CSDE1: variants seen among roughly 807,000 people sequenced by gnomAD.
CSDE1 encodes cold shock domain-containing protein E1.
In CSDE1, 17 loss-of-function variants were observed where a neutral mutation model predicts 89.3. The ratio of observed to expected loss-of-function variants is 0.19; its 90% confidence interval spans 0.13 to 0.29. The LOEUF (loss-of-function observed/expected upper bound fraction) is 0.29, where lower values mean the gene tolerates loss of function less well. Among genes scored for constraint, CSDE1 ranks in the 10% least tolerant of loss-of-function variants. CSDE1 has a pLI of 1.00. For synonymous variants in CSDE1, 322 were observed against 332.8 expected, an observed-to-expected ratio of 0.97 and a Z score of 0.35; for missense variants, 672 against 984.2, an observed-to-expected ratio of 0.68 and a Z score of 4.24.
chr1:114,739,577 A>G (rs913828574), intron 3 of CSDE1, 115 bp downstream of exon 3: 2 of 837,264 alleles, frequency 2.4e-6, no homozygotes, highest in Non-Finnish European at 3.9e-6. Context: ...CAGTACAACT[A>G]AAAGTCCAAA....
Position 114,717,754 on chromosome 1 carries a change from T to TGCTAA in CSDE1, c.*410_*414dup, listed in dbSNP as rs1659267292. On this transcript the variant is annotated 3_prime_UTR_variant, in exon 20 of 20. Coordinates refer to ENST00000358528, the MANE Select transcript of CSDE1 (RefSeq NM_001007553.3). Reference sequence around the variant, plus strand: ...GAAAAAGGAAAAGAATGCAACTGAGTGCTAAGGCAGAACATCTTGCCAGAA... The same window carrying TGCTAA: ...GAAAAAGGAAAAGAATGCAACTGAGTGCTAAGCTAAGGCAGAACATCTTGCCAGAA... The TGCTAA allele has an allele frequency of 5.9e-6, 1 of 169,306 alleles. No individual in the cohort carries two copies. The highest frequency in any genetic ancestry group is 6.1e-5 in the Admixed American group (1 of 16,294). The allele number at this position is 169,306 out of a possible 1,614,324, so 10.5% of individuals were successfully genotyped here.
chr1:114,742,744 T>C (rs77214692), intron 2 of CSDE1, among the ~76,000 whole-genome samples: 2,195 of 152,314 alleles, frequency 0.014, 41 homozygotes, highest in African/African-American at 0.05. Context: ...TAACGAGATA[T>C]GGTAAGTATG....
intron 12 of CSDE1, among the ~76,000 whole-genome samples, chr1:114,727,417 G>A (rs1659854111): frequency 6.6e-6 from 1 of 152,116 alleles, no homozygotes; most frequent in Non-Finnish European, 1.5e-5. Context: ...TACTTCCAAG[G>A]AAGTGGAAAT....
chr1:114,721,949 T>C (rs1162071805), intron 16 of CSDE1, among the ~76,000 whole-genome samples: 2 of 151,468 alleles, frequency 1.3e-5, no homozygotes, highest in African/African-American at 2.4e-5. Flanking sequence ...GTGGCATGAT[T>C]CAGCTCACTG....
In CSDE1 at chr1:114,717,164, G is replaced by A. The variant is rs1355127225; in HGVS notation, c.*1005C>T. 1 of 152,540 alleles carries A rather than the reference G, an allele frequency of 6.6e-6. No individual in the cohort carries two copies. Among genetic ancestry groups the A allele is most frequent in the Non-Finnish European group, 1.5e-5 (1 of 68,056 alleles). The allele number at this position is 152,540 out of a possible 1,614,324, so 9.4% of individuals were successfully genotyped here. A position where few individuals can be genotyped will look rare whatever the true frequency, so the allele number is the denominator to read the frequency against. On this transcript the variant is annotated 3_prime_UTR_variant, in exon 20 of 20. Transcript: ENST00000358528. ...CCTGTATATGGCCAATTCAAGAAGA[G>A]GGCCAAGAAATCAGACCCATCCATT...
chr1:114,723,185 C>T lies in CSDE1; in HGVS notation c.1873+698G>A, dbSNP rs372952476. 5.3e-5 allele frequency among the ~76,000 whole-genome samples: 8 copies of T among 152,256 alleles called. No individual in the cohort carries two copies. In the South Asian group the frequency reaches 6.2e-4, roughly 12 times the overall value. On this transcript the variant is annotated intron_variant, in intron 16 of 19. Coordinates refer to ENST00000358528, the MANE Select transcript of CSDE1 (RefSeq NM_001007553.3). ...CAAGCCATCATCTTTGGTTGGAATACTCAAGCCCTCTCATCTACTCCACAT... is the reference window on the plus strand; with the variant it reads ...CAAGCCATCATCTTTGGTTGGAATATTCAAGCCCTCTCATCTACTCCACAT...
intron 2 of CSDE1, chr1:114,741,383 T>C: frequency 1.4e-6 from 1 of 692,398 alleles, no homozygotes. Context: ...ACTGAAGTTA[T>C]CTTTCAAGAG....
chr1:114,721,045 A>T (rs1489957052), intron 16 of CSDE1, among the ~76,000 whole-genome samples: 1 of 152,230 alleles, frequency 6.6e-6, no homozygotes, highest in Non-Finnish European at 1.5e-5. Flanking sequence ...CAATATTCAC[A>T]GGACTATCTT....
At chr1:114,723,766 C>G (rs927447132) in intron 16 of CSDE1, 117 bp downstream of exon 16, 1 of 1,429,718 alleles carries the variant, frequency 7.0e-7, no homozygotes, top group Non-Finnish European at 9.7e-7. Context: ...GGTCACTTTT[C>G]CTTAATTCAG....
intron 2 of CSDE1, chr1:114,746,482 G>T (rs938810339): frequency 2.0e-5 from 3 of 151,796 alleles, no homozygotes; most frequent in African/African-American, 7.3e-5. Context: ...TTCCAATTTG[G>T]TGACTAATTT....
chr1:114,722,496 G>C (rs974237192), intron 16 of CSDE1, among the ~76,000 whole-genome samples: 1 of 152,218 alleles, frequency 6.6e-6, no homozygotes, highest in African/African-American at 2.4e-5. Context: ...TTGTGTTCCT[G>C]AATAAAAGAG....
chr1:114,733,282 C>G (rs1660202773), intron 9 of CSDE1, among the ~76,000 whole-genome samples: 1 of 152,078 alleles, frequency 6.6e-6, no homozygotes, highest in Non-Finnish European at 1.5e-5. Flanking sequence ...AATCCCAGCA[C>G]TTTGGGAGGC....
chr1:114,730,897 C>T (rs1340236415), intron 10 of CSDE1, among the ~76,000 whole-genome samples: 2 of 152,190 alleles, frequency 1.3e-5, no homozygotes, highest in African/African-American at 2.4e-5. Flanking sequence ...AAAATTACCA[C>T]ATGTGAACGT....
intron 19 of CSDE1, 23 bp from the exon 20 acceptor site, chr1:114,718,239 AC>A: frequency 1.9e-6 from 3 of 1,606,332 alleles, no homozygotes; most frequent in Non-Finnish European, 2.5e-6. Context: ...GAAAAAAAAA[AC>A]CCTGCAGTTA....
intron 2 of CSDE1, 176 bp from the exon 3 acceptor site, chr1:114,740,066 G>A: frequency 1.9e-6 from 1 of 531,712 alleles, no homozygotes; most frequent in Non-Finnish European, 3.3e-6. Flanking sequence ...CATTTCAGAG[G>A]AAACAACTTA....
chr1:114,745,266 T>A (rs1479823926), intron 2 of CSDE1, among the ~76,000 whole-genome samples: 1 of 152,226 alleles, frequency 6.6e-6, no homozygotes, highest in Non-Finnish European at 1.5e-5. Flanking sequence ...AAAAAAGCTT[T>A]ATACACAAGT....
chr1:114,718,890 C>T, intron 18 of CSDE1, 145 bp from the exon 19 acceptor site: 1 of 811,034 alleles, frequency 1.2e-6, no homozygotes, highest in Middle Eastern at 2.9e-4. Context: ...GCTAGAAAGA[C>T]AGGACAGACA....
intron 2 of CSDE1, chr1:114,741,801 A>C: frequency 1.5e-6 from 1 of 661,550 alleles, no homozygotes; most frequent in Non-Finnish European, 2.3e-6. Context: ...CAGGAAATAC[A>C]TAGAATTAAC....
chr1:114,739,070 C>T (rs1041081137), intron 3 of CSDE1, among the ~76,000 whole-genome samples: 4 of 150,974 alleles, frequency 2.6e-5, no homozygotes, highest in Non-Finnish European at 4.4e-5. Flanking sequence ...CTCGCTCTGT[C>T]GCCCAGGCTG....
Sources: gnomAD v4.1 joint callset for allele counts (sites outside exome capture counted in the v4.1 genomes callset) on GRCh38, gnomAD v4.1.1 for gene constraint, MANE v1.5 for transcripts, NCBI Gene and HGNC (gene_info 2026-07-23, HGNC 2026-07-21) for gene names.